Variants in SKAP2 observed in about 807,000 individuals in gnomAD.
The protein encoded by SKAP2 is src kinase-associated phosphoprotein 2.
SKAP2 carries 28 observed loss-of-function variants against 54.9 expected under a neutral mutation model. That is an observed-to-expected ratio of 0.51 (90% CI 0.38 to 0.70). The LOEUF (loss-of-function observed/expected upper bound fraction) is 0.70, where lower values mean the gene tolerates loss of function less well. Ranked by LOEUF, SKAP2 falls within the 30% of genes least tolerant of loss-of-function variation. SKAP2 has a pLI of 0.00. For missense variants in SKAP2, 356 were observed against 424.1 expected, an observed-to-expected ratio of 0.84 and a Z score of 1.41; for synonymous variants, 137 against 134.3, an observed-to-expected ratio of 1.02 and a Z score of -0.14.
intron 4 of SKAP2, among the ~76,000 whole-genome samples, chr7:26,748,071 TAACATACATTTA>T (rs1484905603): frequency 6.6e-6 from 1 of 152,196 alleles, no homozygotes; most frequent in Non-Finnish European, 1.5e-5. Flanking sequence ...TCTTTTACTT[TAACATACATTTA>T]AGTATACGAC....
the SKAP2 span, among the ~76,000 whole-genome samples, chr7:26,657,743 C>T: frequency 4.1e-5 from 6 of 146,428 alleles, no homozygotes; most frequent in Admixed American, 1.4e-4. Context: ...CCGCCCCCCC[C>T]GCCCCAACTT....
intron 4 of SKAP2, among the ~76,000 whole-genome samples, chr7:26,769,129 A>G (rs1454887151): frequency 2.0e-5 from 3 of 152,112 alleles, no homozygotes; most frequent in Non-Finnish European, 2.9e-5. Flanking sequence ...ACACAGTCCC[A>G]TATTTCTTGG....
chr7:26,764,554 C>CT (rs1352771525), intron 4 of SKAP2, among the ~76,000 whole-genome samples: 1 of 151,854 alleles, frequency 6.6e-6, no homozygotes, highest in East Asian at 1.9e-4. Flanking sequence ...TACTATATAA[C>CT]TTTTTTTCAT....
intron 9 of SKAP2, among the ~76,000 whole-genome samples, chr7:26,706,661 T>C (rs1214646245): frequency 6.6e-6 from 1 of 152,218 alleles, no homozygotes; most frequent in Non-Finnish European, 1.5e-5. Flanking sequence ...ATAATGTTTA[T>C]GTCATGTAAG....
intron 9 of SKAP2, among the ~76,000 whole-genome samples, chr7:26,710,824 C>T (rs1787284581): frequency 6.6e-6 from 1 of 152,038 alleles, no homozygotes; most frequent in African/African-American, 2.4e-5. Context: ...AATTATTAAC[C>T]GGTTTATAAA....
intron 4 of SKAP2, among the ~76,000 whole-genome samples, chr7:26,768,207 T>C (rs1046877071): frequency 6.6e-6 from 1 of 152,174 alleles, no homozygotes; most frequent in Non-Finnish European, 1.5e-5. Flanking sequence ...TTTACCATTA[T>C]GTAATGCCCT....
chr7:26,855,791 A>G (rs1353142349), intron 1 of SKAP2, among the ~76,000 whole-genome samples: 1 of 152,022 alleles, frequency 6.6e-6, no homozygotes, highest in South Asian at 2.1e-4. Flanking sequence ...TGCAATTTTA[A>G]TTTTATTTTC....
intron 4 of SKAP2, among the ~76,000 whole-genome samples, chr7:26,787,171 AC>A (rs1161707730): frequency 5.3e-5 from 8 of 152,286 alleles, no homozygotes; most frequent in African/African-American, 1.9e-4. Flanking sequence ...ATGACTTTTA[AC>A]CACCAGTATT....
intron 7 of SKAP2, 46 bp from the exon 8 acceptor site, chr7:26,726,032 T>C (rs780181248): frequency 4.4e-5 from 54 of 1,223,534 alleles, no homozygotes; most frequent in Non-Finnish European, 6.4e-5. Context: ...ATAGTAGGAA[T>C]GAAAGGTATG....
chr7:26,853,371 A>G (rs1253376482), intron 3 of SKAP2, among the ~76,000 whole-genome samples: 2 of 152,128 alleles, frequency 1.3e-5, no homozygotes, highest in Non-Finnish European at 2.9e-5. Flanking sequence ...GCTGTACATC[A>G]TAACCTATGA....
chr7:26,718,013 T>TTATA (rs771983592), intron 9 of SKAP2, among the ~76,000 whole-genome samples: 2 of 151,582 alleles, frequency 1.3e-5, no homozygotes, highest in Non-Finnish European at 1.5e-5. Context: ...GATGAGGATA[T>TTATA]TATATATATA....
chr7:26,786,299 T>C (rs1783543543), intron 4 of SKAP2, among the ~76,000 whole-genome samples: 1 of 152,214 alleles, frequency 6.6e-6, no homozygotes, highest in Admixed American at 6.5e-5. Context: ...GGATACAGTG[T>C]TGAACAAGAC....
intron 9 of SKAP2, among the ~76,000 whole-genome samples, chr7:26,693,111 C>T (rs1786821222): frequency 6.6e-6 from 1 of 152,132 alleles, no homozygotes; most frequent in African/African-American, 2.4e-5. Context: ...GCGGGTGGAT[C>T]ACCTGAGATC....
intron 4 of SKAP2, among the ~76,000 whole-genome samples, chr7:26,777,111 A>C (rs1023682804): frequency 6.6e-6 from 1 of 152,212 alleles, no homozygotes; most frequent in African/African-American, 2.4e-5. Context: ...AAAAAATGTT[A>C]AATGTCTGAA....
chr7:26,851,332 T>G lies in SKAP2; in HGVS notation c.199+2805A>C, dbSNP rs546128865. Reference sequence around the variant, plus strand: ...GTTCCATCTACTATATAGTTCCATCTACTCCAGAGGCTGAGGTGGAAGGAT... The same window carrying G: ...GTTCCATCTACTATATAGTTCCATCGACTCCAGAGGCTGAGGTGGAAGGAT... On this transcript the variant is annotated intron_variant, in intron 3 of 12. Coordinates refer to ENST00000345317, the MANE Select transcript of SKAP2 (RefSeq NM_003930.5). 3.3e-5 allele frequency among the ~76,000 whole-genome samples: 5 copies of G among 151,522 alleles called. No homozygotes were observed. In the South Asian group the frequency reaches 1.0e-3, roughly 32 times the overall value.
intron 9 of SKAP2, among the ~76,000 whole-genome samples, chr7:26,712,613 T>C (rs1349186956): frequency 2.0e-5 from 3 of 152,348 alleles, no homozygotes; most frequent in Admixed American, 2.0e-4. Flanking sequence ...AGTTACTGAA[T>C]CTTTCTGTGC....
At chr7:26,789,516 A>G (rs1357092476) in intron 4 of SKAP2, among the ~76,000 whole-genome samples, 1 of 152,208 alleles carries the variant, frequency 6.6e-6, no homozygotes, top group Non-Finnish European at 1.5e-5. Context: ...GAGTTATTAC[A>G]CTGAATATTC....
intron 4 of SKAP2, among the ~76,000 whole-genome samples, chr7:26,795,948 A>AT (rs1201753664): frequency 2.6e-5 from 4 of 152,206 alleles, no homozygotes; most frequent in African/African-American, 9.6e-5. Context: ...TTCAACAAAT[A>AT]TATTGGAAAA....
At chr7:26,864,055 T>TCACG (rs1554310126) in intron 1 of SKAP2, among the ~76,000 whole-genome samples, 1 of 143,332 alleles carries the variant, frequency 7.0e-6, no homozygotes, top group African/African-American at 2.6e-5. Context: ...CGCCCTTCTG[T>TCACG]CACACACACA....
Sources: allele counts gnomAD v4.1 joint callset (sites outside exome capture counted in the v4.1 genomes callset), GRCh38; gene constraint gnomAD v4.1.1; transcripts MANE v1.5; gene names NCBI Gene and HGNC (gene_info 2026-07-23, HGNC 2026-07-21).